Variants in SLC30A9 observed in about 807,000 individuals in gnomAD.
SLC30A9 encodes proton-coupled zinc antiporter SLC30A9, mitochondrial.
Under a neutral mutation model 87.5 loss-of-function variants are expected in SLC30A9, and 58 were observed. The observed-to-expected ratio is 0.66, with a 90% confidence interval of 0.54 to 0.82. The LOEUF is 0.82. Ranked by LOEUF, SLC30A9 falls within the 40% of genes least tolerant of loss-of-function variation. SLC30A9 has a pLI of 0.00. For missense variants in SLC30A9, 557 were observed against 679.1 expected, an observed-to-expected ratio of 0.82 and a Z score of 2.00; for synonymous variants, 234 against 233.0, an observed-to-expected ratio of 1.00 and a Z score of -0.04.
chr4:42,028,848 C>G (rs1338564536), intron 6 of SLC30A9, among the ~76,000 whole-genome samples: 1 of 152,070 alleles, frequency 6.6e-6, no homozygotes, highest in Non-Finnish European at 1.5e-5. Flanking sequence ...ACCCACCTGT[C>G]AACCACTATT....
intron 17 of SLC30A9, among the ~76,000 whole-genome samples, chr4:42,080,646 A>G (rs185866844): frequency 6.6e-6 from 1 of 152,328 alleles, no homozygotes; most frequent in African/African-American, 2.4e-5. Context: ...AAAGGCCCCC[A>G]TCATATATCA....
At chr4:42,013,568 ACAGAGCC>A (rs1368992089) in intron 2 of SLC30A9, among the ~76,000 whole-genome samples, 2 of 152,344 alleles carry the variant, frequency 1.3e-5, no homozygotes, top group African/African-American at 4.8e-5. Flanking sequence ...GGAACAGAAT[ACAGAGCC>A]CATAAGTGAA....
intron 7 of SLC30A9, among the ~76,000 whole-genome samples, chr4:42,035,686 G>C (rs1716650330): frequency 6.6e-6 from 1 of 152,014 alleles, no homozygotes; most frequent in South Asian, 2.1e-4. Context: ...AGTAGAGACA[G>C]AGTTTCACCA....
chr4:41,990,612 C>A lies in SLC30A9; in HGVS notation c.-40C>A. 1.5e-6 allele frequency: 2 copies of A among 1,293,534 alleles called. No homozygotes were observed. Among genetic ancestry groups the A allele is most frequent in the South Asian group, 1.2e-5 (1 of 81,296 alleles). The allele number at this position is 1,293,534 out of a possible 1,614,324, so 80.1% of individuals were successfully genotyped here. On this transcript the variant is annotated 5_prime_UTR_variant, in exon 1 of 18. Coordinates refer to ENST00000264451, the MANE Select transcript of SLC30A9 (RefSeq NM_006345.4). ...GTTGGTACCGGTGGCGGCGCGGAGG[C>A]AGAAGGCGGTGTCCGAGTAGGGGCC...
intron 11 of SLC30A9, 102 bp from the exon 12 acceptor site, chr4:42,065,208 A>G: frequency 1.4e-6 from 1 of 698,200 alleles, no homozygotes; most frequent in Non-Finnish European, 2.6e-6. Flanking sequence ...TCTGGCTTAA[A>G]TTTGAATTCG....
At chr4:42,049,613 G>T (rs896468629) in intron 9 of SLC30A9, 134 bp downstream of exon 9, 2 of 466,482 alleles carry the variant, frequency 4.3e-6, no homozygotes, top group Middle Eastern at 5.7e-4. Flanking sequence ...TTACTTTTCA[G>T]CAATGAAGTG....
At chr4:42,025,003 G>C (rs1020476852) in intron 6 of SLC30A9, among the ~76,000 whole-genome samples, 3 of 152,154 alleles carry the variant, frequency 2.0e-5, no homozygotes, top group Admixed American at 1.3e-4. Flanking sequence ...CTTGAAATTT[G>C]GTTTCTCCTC....
chr4:42,020,113 G>A (rs1464513314), intron 3 of SLC30A9, among the ~76,000 whole-genome samples: 1 of 151,994 alleles, frequency 6.6e-6, no homozygotes, highest in African/African-American at 2.4e-5. Context: ...TAGACCCTAA[G>A]CAATTTAAAT....
At chr4:42,065,194 A>T in intron 11 of SLC30A9, 116 bp from the exon 12 acceptor site, 1 of 663,340 alleles carries the variant, frequency 1.5e-6, no homozygotes, top group Non-Finnish European at 2.8e-6. Flanking sequence ...TAGTAACCTT[A>T]CTGTCTGGCT....
intron 9 of SLC30A9, among the ~76,000 whole-genome samples, chr4:42,059,539 G>C (rs1033280306): frequency 6.6e-6 from 1 of 152,072 alleles, no homozygotes; most frequent in African/African-American, 2.4e-5. Context: ...TAATTCCTGT[G>C]CATGGTTTTG....
intron 6 of SLC30A9, among the ~76,000 whole-genome samples, chr4:42,024,526 TA>T (rs908167531): frequency 1.3e-5 from 2 of 152,236 alleles, no homozygotes; most frequent in African/African-American, 4.8e-5. Flanking sequence ...TAAATATTTT[TA>T]TTTTTTTAAC....
chr4:42,061,852 A>T (rs1229691052), intron 10 of SLC30A9, among the ~76,000 whole-genome samples: 1 of 151,478 alleles, frequency 6.6e-6, no homozygotes, highest in Non-Finnish European at 1.5e-5. Context: ...GTGAGCCAAG[A>T]TCACGCCATT....
chr4:42,031,693 C>G (rs1019250016), intron 6 of SLC30A9, among the ~76,000 whole-genome samples: 2 of 152,068 alleles, frequency 1.3e-5, no homozygotes, highest in Non-Finnish European at 2.9e-5. Flanking sequence ...AATATTTTAT[C>G]CTATCCCCCC....
chr4:42,019,678 A>G (rs907545754), intron 3 of SLC30A9, among the ~76,000 whole-genome samples: 2 of 152,166 alleles, frequency 1.3e-5, no homozygotes, highest in Non-Finnish European at 2.9e-5. Context: ...AGGTTTTCAC[A>G]AAAAAATAAT....
chr4:42,088,928 A>T lies in SLC30A9; in HGVS notation c.*2802A>T, dbSNP rs887451807. ...ACTCCAGCCTGAATGACAGAGTGAG[A>T]TCCTGTCTCAAAAAGAGAATTTGGG... is the stretch of plus-strand genomic sequence containing the variant. On this transcript the variant is annotated 3_prime_UTR_variant, in exon 18 of 18. Transcript: ENST00000264451. The T allele has an allele frequency of 5.3e-5, 8 of 152,178 alleles. No homozygotes were observed. The highest frequency in any genetic ancestry group is 5.2e-4 in the Admixed American group (8 of 15,282). 9.4% of individuals were successfully genotyped at this position (152,178 alleles called of 1,614,324 possible). A position where few individuals can be genotyped will look rare whatever the true frequency, so the allele number is the denominator to read the frequency against.
At chr4:42,073,081 C>T (rs1423847442) in intron 15 of SLC30A9, among the ~76,000 whole-genome samples, 2 of 151,294 alleles carry the variant, frequency 1.3e-5, no homozygotes, top group African/African-American at 2.5e-5. Context: ...GCCATGTTGG[C>T]CAGGCTGGTC....
chr4:42,012,608 A>G (rs1309850064), intron 2 of SLC30A9, among the ~76,000 whole-genome samples: 1 of 152,212 alleles, frequency 6.6e-6, no homozygotes, highest in Non-Finnish European at 1.5e-5. Flanking sequence ...TTTATAAACC[A>G]ATTACATTCT....
intron 10 of SLC30A9, among the ~76,000 whole-genome samples, chr4:42,062,629 A>C (rs185091454): frequency 6.6e-6 from 1 of 152,322 alleles, no homozygotes; most frequent in African/African-American, 2.4e-5. Context: ...CTGCATTACA[A>C]GGAAATTTAA....
At chr4:42,000,237 A>AC (rs973467289) in intron 1 of SLC30A9, among the ~76,000 whole-genome samples, 10 of 151,778 alleles carry the variant, frequency 6.6e-5, no homozygotes, top group Non-Finnish European at 1.2e-4. Flanking sequence ...AGTGTATGAA[A>AC]AAAAAGTTAG....
Sources: gnomAD v4.1 joint callset for allele counts (sites outside exome capture counted in the v4.1 genomes callset) on GRCh38, gnomAD v4.1.1 for gene constraint, MANE v1.5 for transcripts, NCBI Gene and HGNC (gene_info 2026-07-23, HGNC 2026-07-21) for gene names.